The following A1CF variants were observed in gnomAD, a reference collection of about 807,000 sequenced individuals.
The protein encoded by A1CF is APOBEC1 complementation factor, also known as APOBEC-1 stimulating protein.
A neutral mutation model predicts 68.9 loss-of-function variants in A1CF; 48 were observed. The ratio of observed to expected loss-of-function variants is 0.70; its 90% CI spans 0.55 to 0.89. A1CF has a LOEUF of 0.89. Ranked by LOEUF, A1CF falls within the 40% of genes least tolerant of loss-of-function variation. The pLI is 0.00. For missense variants in A1CF, 653 were observed against 718.9 expected (o/e 0.91, Z 1.05); for synonymous variants, 272 against 260.4 (o/e 1.04, Z -0.43).
chr10:50,829,643 G>A (rs1204634628), intron 6 of A1CF, among the ~76,000 whole-genome samples: 1 of 152,106 alleles, frequency 6.6e-6, no homozygotes, highest in Admixed American at 6.6e-5. Context: ...GTTCTGTGTT[G>A]CATTTCAGGG....
At chr10:50,815,896 T>G (rs1256260343) in intron 9 of A1CF, 110 bp downstream of exon 9, 2 of 1,298,364 alleles carry the variant, frequency 1.5e-6, no homozygotes, top group South Asian at 3.0e-5. Context: ...TAATAAACAA[T>G]TTTTCAGTGC....
At position 50,804,407 on chromosome 10, in the gene A1CF, A is replaced by G. The variant is rs1004411390; in HGVS notation, c.*2322T>C. On this transcript the variant is annotated 3_prime_UTR_variant, in exon 13 of 13. Transcript: ENST00000373997. ...TAAATCAAACCTAATTTGCATTGAC[A>G]AGACATCCAGAATACCCTTTGCTGT... The G allele has an allele frequency of 6.6e-6, 1 of 152,226 alleles. No homozygotes were observed. Among genetic ancestry groups the G allele is most frequent in the Non-Finnish European group, 1.5e-5 (1 of 68,024 alleles). 9.4% of individuals were successfully genotyped at this position (152,226 alleles called of 1,614,324 possible).
intron 7 of A1CF, among the ~76,000 whole-genome samples, chr10:50,827,433 C>G (rs1839003933): frequency 6.6e-6 from 1 of 152,184 alleles, no homozygotes; most frequent in African/African-American, 2.4e-5. Flanking sequence ...AACAAACTGT[C>G]TCTCAGACCA....
intron 1 of A1CF, among the ~76,000 whole-genome samples, chr10:50,864,293 GT>G (rs1840879342): frequency 6.6e-6 from 1 of 152,166 alleles, no homozygotes; most frequent in Non-Finnish European, 1.5e-5. Flanking sequence ...ATTGCCCTAG[GT>G]TTGCTAATAT....
At chr10:50,873,007 G>C (rs1308743766) in intron 1 of A1CF, among the ~76,000 whole-genome samples, 1 of 135,248 alleles carries the variant, frequency 7.4e-6, no homozygotes, top group Non-Finnish European at 1.5e-5. Flanking sequence ...CCAGGCTGGA[G>C]TGTGGTGGGG....
intron 5 of A1CF, among the ~76,000 whole-genome samples, chr10:50,837,540 G>A (rs1839559968): frequency 6.6e-6 from 1 of 152,186 alleles, no homozygotes; most frequent in Non-Finnish European, 1.5e-5. Context: ...TTGGAAATGA[G>A]CAAAATACCT....
intron 3 of A1CF, among the ~76,000 whole-genome samples, chr10:50,855,024 A>G (rs955619052): frequency 6.6e-6 from 1 of 151,914 alleles, no homozygotes; most frequent in Non-Finnish European, 1.5e-5. Flanking sequence ...TTAAATATAT[A>G]TTTAGGTTTA....
chr10:50,816,427 G>A, intron 8 of A1CF, 148 bp from the exon 9 acceptor site: 2 of 961,040 alleles, frequency 2.1e-6, no homozygotes, highest in South Asian at 1.8e-5. Flanking sequence ...GGTTTGTTTT[G>A]TATGCCAGTT....
At position 50,806,674 on chromosome 10, in the gene A1CF, T is replaced by G; in HGVS notation, c.*55A>C. 7.0e-7 allele frequency: 1 copy of G among 1,420,480 alleles called. No homozygotes were observed. Among genetic ancestry groups the G allele is most frequent in the Non-Finnish European group, 9.4e-7 (1 of 1,068,870 alleles). The allele number at this position is 1,420,480 out of a possible 1,614,324, so 88.0% of individuals were successfully genotyped here. On this transcript the variant is annotated 3_prime_UTR_variant, in exon 13 of 13. Transcript: ENST00000373997. ...GGGACCGAGTTAGAGGTTTATTTCT[T>G]TTTTTTTTTTAATAGAGTTTTGTGT...
chr10:50,852,249 T>C (rs1416222086), intron 3 of A1CF, among the ~76,000 whole-genome samples: 1 of 152,188 alleles, frequency 6.6e-6, no homozygotes. Flanking sequence ...CAACACCCTA[T>C]GAGGCTATTC....
chr10:50,865,415 A>T (rs1412373470), intron 1 of A1CF, among the ~76,000 whole-genome samples: 1 of 152,236 alleles, frequency 6.6e-6, no homozygotes, highest in African/African-American at 2.4e-5. Context: ...TGCCTTTAAA[A>T]TACTTAAAAT....
intron 3 of A1CF, among the ~76,000 whole-genome samples, chr10:50,849,369 G>A (rs996019025): frequency 2.6e-5 from 4 of 152,138 alleles, no homozygotes; most frequent in African/African-American, 9.7e-5. Flanking sequence ...GTAGAAGTTG[G>A]CATTATTTCT....
At chr10:50,874,002 A>G (rs900218467) in intron 1 of A1CF, among the ~76,000 whole-genome samples, 6 of 152,196 alleles carry the variant, frequency 3.9e-5, no homozygotes, top group African/African-American at 1.4e-4. Flanking sequence ...ATATCTGTGT[A>G]TATGCACATA....
intron 3 of A1CF, among the ~76,000 whole-genome samples, chr10:50,849,320 T>C (rs1390479178): frequency 6.6e-6 from 1 of 152,250 alleles, no homozygotes; most frequent in African/African-American, 2.4e-5. Flanking sequence ...GTTTTTAGAC[T>C]GGAATTTAGA....
chr10:50,850,830 C>G, intron 3 of A1CF: 5 of 1,591,926 alleles, frequency 3.1e-6, no homozygotes, highest in Non-Finnish European at 4.3e-6. Flanking sequence ...AATTAGGTGA[C>G]AGCTTTAGTC....
chr10:50,873,423 G>A (rs747313903), intron 1 of A1CF, among the ~76,000 whole-genome samples: 61 of 152,146 alleles, frequency 4.0e-4, no homozygotes, highest in Non-Finnish European at 4.9e-4. Context: ...ACAACTATGT[G>A]TAGTTGTGTT....
intron 5 of A1CF, among the ~76,000 whole-genome samples, chr10:50,838,432 T>C (rs1298415338): frequency 6.6e-6 from 1 of 152,192 alleles, no homozygotes; most frequent in African/African-American, 2.4e-5. Flanking sequence ...ACAGTATTAA[T>C]GTATTTAGAA....
In A1CF at chr10:50,800,023, A is replaced by G. The variant is rs187649536; in HGVS notation, c.*6706T>C. 6.6e-5 allele frequency: 10 copies of G among 152,280 alleles called. No homozygotes were observed. Among genetic ancestry groups the G allele is most frequent in the Admixed American group, 2.0e-4 (3 of 15,292 alleles). 9.4% of individuals were successfully genotyped at this position (152,280 alleles called of 1,614,324 possible). ...TATAAAGAAAATGCCAAGTTTCAAA[A>G]TAAAATTTACATTTGTAAAAAGGTA... is the stretch of plus-strand genomic sequence containing the variant. On this transcript the variant is annotated 3_prime_UTR_variant, in exon 13 of 13. Transcript: ENST00000373997.
At position 50,816,198 on chromosome 10, in the gene A1CF, C is replaced by A. The variant is rs777257864; in HGVS notation, c.949G>T (p.Gly317Cys). The change falls in exon 9 of 13, where the codon GGT (glycine) becomes TGT (cysteine). Residue 317 changes from glycine (G) to cysteine (C), a missense_variant. Physicochemically the swap from Gly to Cys is radical, Grantham distance 159. Coordinates refer to ENST00000373997, the MANE Select transcript of A1CF (RefSeq NM_014576.4). ...DSYVRYTRGT[G>C]GRGTMLQGEY... The stretch of plus-strand genomic sequence containing the variant: ...CCTTGCAGCATGGTGCCCCTTCCAC[C>A]TGTGCCTCGGGTATACCTAACATAA... 3 of 1,613,798 alleles carry A rather than the reference C, an allele frequency of 1.9e-6. No individual in the cohort carries two copies. The highest frequency in any genetic ancestry group is 3.3e-5 in the Admixed American group (2 of 59,962).
Sources: allele counts gnomAD v4.1 joint callset (sites outside exome capture counted in the v4.1 genomes callset), GRCh38; gene constraint gnomAD v4.1.1; transcripts MANE v1.5; gene names NCBI Gene and HGNC (gene_info 2026-07-23, HGNC 2026-07-21).